The following AVEN variants were observed in gnomAD, a reference collection of about 807,000 sequenced individuals.
The protein encoded by AVEN is cell death regulator Aven.
Under a neutral mutation model 38.1 loss-of-function variants are expected in AVEN, and 41 were observed. The ratio of observed to expected loss-of-function variants is 1.08; its 90% CI spans 0.84 to 1.40. AVEN has a LOEUF of 1.40. AVEN is among the 40% of genes most tolerant of loss of function. The probability of loss-of-function intolerance (pLI) is 0.00; values close to 1 mark genes in which losing one functional copy is unlikely to be tolerated. For missense variants in AVEN, 605 were observed against 438.8 expected (o/e 1.38, Z -3.38); for synonymous variants, 206 against 171.8 (o/e 1.20, Z -1.56).
chr15:33,944,400 G>A (rs1894430484), intron 2 of AVEN, among the ~76,000 whole-genome samples: 1 of 152,166 alleles, frequency 6.6e-6, no homozygotes, highest in South Asian at 2.1e-4. Flanking sequence ...TTAATTACCT[G>A]CTAAATTGTA....
At chr15:33,945,284 A>G (rs1321501893) in intron 2 of AVEN, among the ~76,000 whole-genome samples, 3 of 152,150 alleles carry the variant, frequency 2.0e-5, no homozygotes, top group Non-Finnish European at 4.4e-5. Flanking sequence ...CTTTACCTCC[A>G]AGAGAATCTG....
chr15:33,949,463 C>G (rs1209273181), intron 2 of AVEN, among the ~76,000 whole-genome samples: 3 of 152,254 alleles, frequency 2.0e-5, no homozygotes, highest in African/African-American at 7.2e-5. Flanking sequence ...CCTAATTACC[C>G]TGATTTGATC....
At chr15:33,915,780 A>G (rs1893113458) in intron 2 of AVEN, among the ~76,000 whole-genome samples, 1 of 152,184 alleles carries the variant, frequency 6.6e-6, no homozygotes, top group African/African-American at 2.4e-5. Context: ...AGAGGCTGGT[A>G]GCCTGGGGTA....
intron 2 of AVEN, among the ~76,000 whole-genome samples, chr15:33,904,668 C>A (rs1039616730): frequency 3.3e-5 from 4 of 122,332 alleles, no homozygotes; most frequent in Non-Finnish European, 5.2e-5. Context: ...CTGCCTTGGC[C>A]GAGACTGTTT....
intron 2 of AVEN, among the ~76,000 whole-genome samples, chr15:33,879,232 A>G (rs1008441710): frequency 2.6e-5 from 4 of 151,786 alleles, no homozygotes; most frequent in African/African-American, 9.7e-5. Context: ...ATAAAAAATG[A>G]TGAGTTCATG....
Position 33,891,300 on chromosome 15 carries a change from G to T in AVEN, c.446-15305C>A, listed in dbSNP as rs543061077. Reference sequence around the variant, plus strand: ...CACAACGTGCAGGTTTGATATATAGGTATACATGTGCCATGTTGGTTTGTT... The same window carrying T: ...CACAACGTGCAGGTTTGATATATAGTTATACATGTGCCATGTTGGTTTGTT... On this transcript the variant is annotated intron_variant, in intron 2 of 5. Coordinates refer to ENST00000306730, the MANE Select transcript of AVEN (RefSeq NM_020371.3). Among the ~76,000 whole-genome samples, 387 of 152,180 alleles carry T rather than the reference G, an allele frequency of 2.5e-3. 3 individuals carry two copies. Among genetic ancestry groups the T allele is most frequent in the African/African-American group, 9.0e-3 (372 of 41,520 alleles).
intron 2 of AVEN, among the ~76,000 whole-genome samples, chr15:33,886,230 C>G (rs540652728): frequency 2.6e-5 from 4 of 152,238 alleles, no homozygotes; most frequent in Admixed American, 6.5e-5. Flanking sequence ...TGAAAGGGAC[C>G]CAGTGGGAGA....
At chr15:33,895,256 A>C (rs1034948515) in intron 2 of AVEN, among the ~76,000 whole-genome samples, 1 of 144,654 alleles carries the variant, frequency 6.9e-6, no homozygotes, top group Non-Finnish European at 1.5e-5. Context: ...TTCTTCTGCA[A>C]TGGTTTATAT....
At chr15:34,030,380 C>CT in intron 1 of AVEN, among the ~76,000 whole-genome samples, 1 of 152,246 alleles carries the variant, frequency 6.6e-6, no homozygotes, top group South Asian at 2.1e-4. Context: ...GAGTCTTGCT[C>CT]TGTCGCCCAG....
intron 1 of AVEN, chr15:34,007,141 G>A (rs567066832): frequency 8.4e-6 from 6 of 711,944 alleles, no homozygotes; most frequent in Non-Finnish European, 1.0e-5. Context: ...AACTACTGCC[G>A]AGCTATTATC....
In AVEN at chr15:33,901,139, C is replaced by T. The variant is rs189430798; in HGVS notation, c.446-25144G>A. On this transcript the variant is annotated intron_variant, in intron 2 of 5. Coordinates refer to ENST00000306730, the MANE Select transcript of AVEN (RefSeq NM_020371.3). ...AAACTTGGCTGGGTGTGGTGGTAGG[C>T]GCCTGTAGTCACAGCTACTTGGGAG... is the stretch of plus-strand genomic sequence containing the variant. 1.1e-3 allele frequency among the ~76,000 whole-genome samples: 168 copies of T among 152,206 alleles called. 2 individuals carry two copies. In the East Asian group the frequency reaches 0.016, roughly 14 times the overall value.
At position 33,866,575 on chromosome 15, in the gene AVEN, G is replaced by A; in HGVS notation, c.*38C>T. ...CCTTATGCCCACCTGCCGTTAGAAG[G>A]CAACCAAGATTTGCTTCAGGCACTT... On this transcript the variant is annotated 3_prime_UTR_variant, in exon 6 of 6. Transcript: ENST00000306730. 1 of 1,526,590 alleles carries A rather than the reference G, an allele frequency of 6.6e-7. No individual in the cohort carries two copies. Among genetic ancestry groups the A allele is most frequent in the Non-Finnish European group, 9.1e-7 (1 of 1,102,180 alleles). 94.6% of individuals were successfully genotyped at this position (1,526,590 alleles called of 1,614,324 possible).
At chr15:33,985,845 G>T (rs1381830979) in intron 2 of AVEN, among the ~76,000 whole-genome samples, 3 of 152,066 alleles carry the variant, frequency 2.0e-5, no homozygotes, top group African/African-American at 7.2e-5. Context: ...TTCAAAAATA[G>T]AAGTTCAAGA....
chr15:33,950,383 G>A (rs181131826), intron 2 of AVEN, among the ~76,000 whole-genome samples: 64 of 152,298 alleles, frequency 4.2e-4, no homozygotes, highest in African/African-American at 1.5e-3. Context: ...TGTAGTGAAA[G>A]GTGTGTTAAT....
intron 2 of AVEN, among the ~76,000 whole-genome samples, chr15:33,904,694 A>AAAAAAAATAT (rs1464894437): frequency 2.7e-4 from 30 of 112,740 alleles, no homozygotes; most frequent in Middle Eastern, 4.9e-3. Context: ...AAAAAAAAAA[A>AAAAAAAATAT]ATATATATAT....
chr15:33,893,541 G>GA (rs34918243), intron 2 of AVEN, among the ~76,000 whole-genome samples: 2 of 151,960 alleles, frequency 1.3e-5, no homozygotes, highest in Non-Finnish European at 2.9e-5. Flanking sequence ...AGCTTGGGTG[G>GA]AAAAAAAGAA....
intron 2 of AVEN, among the ~76,000 whole-genome samples, chr15:33,882,553 A>G (rs60051215): frequency 0.086 from 5,742 of 66,792 alleles, 324 homozygotes; most frequent in South Asian, 0.22. Flanking sequence ...GTGAAGAAGC[A>G]AAAATGTTAA....
rs74008366 is a variant in AVEN, at chr15:33,866,535, G to C, written c.*78C>G. 5,975 of 1,022,768 alleles carry C rather than the reference G, an allele frequency of 5.8e-3. 219 individuals carry two copies. The African/African-American group carries it at 0.081, about 14-fold the overall frequency. The allele number at this position is 1,022,768 out of a possible 1,614,324, so 63.4% of individuals were successfully genotyped here. On this transcript the variant is annotated 3_prime_UTR_variant, in exon 6 of 6. Coordinates refer to ENST00000306730, the MANE Select transcript of AVEN (RefSeq NM_020371.3). The stretch of plus-strand genomic sequence containing the variant: ...CTTGAGACATGCTTGTAAACTGGCT[G>C]GTCCTGAAGGACAGCCTTATGCCCA...
At chr15:34,004,182 G>T (rs1420922430) in intron 1 of AVEN, among the ~76,000 whole-genome samples, 1 of 152,062 alleles carries the variant, frequency 6.6e-6, no homozygotes, top group Non-Finnish European at 1.5e-5. Flanking sequence ...GAAAAGCTTG[G>T]GTATAAAAAA....
Sources: gnomAD v4.1 joint callset for allele counts (sites outside exome capture counted in the v4.1 genomes callset) on GRCh38, gnomAD v4.1.1 for gene constraint, MANE v1.5 for transcripts, NCBI Gene and HGNC (gene_info 2026-07-23, HGNC 2026-07-21) for gene names.